TMEM106C: variants seen among roughly 807,000 people sequenced by gnomAD.
TMEM106C encodes the protein endoplasmic reticulum membrane protein overexpressed in cancer.
TMEM106C carries 27 observed loss-of-function variants against 30.8 expected under a neutral mutation model. That is an observed-to-expected ratio of 0.88 (90% CI 0.65 to 1.21). The LOEUF is 1.21. Ranked by LOEUF, TMEM106C falls within the 50% of genes most tolerant of loss-of-function variation. The pLI is 0.00. For missense variants in TMEM106C, 288 were observed against 307.8 expected (o/e 0.94, Z 0.48); for synonymous variants, 123 against 118.8 (o/e 1.04, Z -0.23).
In TMEM106C at chr12:47,964,323, A is replaced by C; in HGVS notation, c.87A>C (p.Arg29=). ...EDDRDGLLAE[R]EQEEAIAQFP... The stretch of plus-strand genomic sequence containing the variant: ...ACAGGGACGGTTTGCTGGCTGAACG[A>C]GAGCAGGAAGAAGCCATTGCTCAGT... The change falls in exon 2 of 8, where the codon CGA becomes CGC. Residue 29 remains arginine, a synonymous_variant. Transcript: ENST00000429772. 1 of 1,614,174 alleles carries C rather than the reference A, an allele frequency of 6.2e-7. No homozygotes were observed. The highest frequency in any genetic ancestry group is 8.5e-7 in the Non-Finnish European group (1 of 1,180,028).
Position 47,966,015 on chromosome 12 carries a change from A to G in TMEM106C, c.411+18A>G, listed in dbSNP as rs762387480. 1.3e-5 allele frequency: 21 copies of G among 1,614,182 alleles called. No homozygotes were observed. In the Admixed American group the frequency reaches 2.7e-4, roughly 20 times the overall value. ...CCATCATGGTAAGCCTTAGGGTTTCATTCCCTGGGTTGTGCACCTGCCAGG... is the reference window on the plus strand; with the variant it reads ...CCATCATGGTAAGCCTTAGGGTTTCGTTCCCTGGGTTGTGCACCTGCCAGG... On this transcript the variant is annotated intron_variant, in intron 4 of 7. Transcript: ENST00000429772.
intron 4 of TMEM106C, 45 bp downstream of exon 4, chr12:47,966,042 T>G: frequency 6.2e-7 from 1 of 1,614,226 alleles, no homozygotes; most frequent in Non-Finnish European, 8.5e-7. Context: ...CCTGCCAGGC[T>G]GGGACCCAGG....
At position 47,967,082 on chromosome 12, in the gene TMEM106C, G is replaced by A. The variant is rs2136484832; in HGVS notation, c.603-126G>A. On this transcript the variant is annotated intron_variant, in intron 6 of 7. Coordinates refer to ENST00000429772, the MANE Select transcript of TMEM106C (RefSeq NM_001143842.2). ...AGTGGCAGGGACTGAGAGCTGACAAGCCTTGGCAGCACTTAGGTCGGAAGG... is the reference window on the plus strand; with the variant it reads ...AGTGGCAGGGACTGAGAGCTGACAAACCTTGGCAGCACTTAGGTCGGAAGG... 1.1e-5 allele frequency: 10 copies of A among 939,160 alleles called. No individual in the cohort carries two copies. The South Asian group carries it at 1.4e-4, about 13-fold the overall frequency. 58.2% of individuals were successfully genotyped at this position (939,160 alleles called of 1,614,324 possible).
intron 1 of TMEM106C, 47 bp from the exon 2 acceptor site, chr12:47,964,162 C>A: frequency 6.7e-7 from 1 of 1,495,608 alleles, no homozygotes; most frequent in Non-Finnish European, 9.1e-7. Flanking sequence ...CGATTTCTGT[C>A]GTGATTCACT....
At position 47,964,420 on chromosome 12, in the gene TMEM106C, A is replaced by G. The variant is rs35299693; in HGVS notation, c.184A>G (p.Thr62Ala). Residue 62 changes from threonine (T) to alanine (A), a missense_variant, in exon 2 of 8, where the codon ACA becomes GCA. Physicochemically the swap from Thr to Ala is moderately conservative, Grantham distance 58 (BLOSUM62 0). Coordinates refer to ENST00000429772, the MANE Select transcript of TMEM106C (RefSeq NM_001143842.2). ...LTCQGTGYIPTEQVNELVALI... is the reference protein window; with the variant it reads ...LTCQGTGYIPAEQVNELVALI... ...GTGCCAGGGGACAGGCTACATTCCAACAGGTGATCATGGAGGGATGATTCC... is the reference window on the plus strand; with the variant it reads ...GTGCCAGGGGACAGGCTACATTCCAGCAGGTGATCATGGAGGGATGATTCC... The G allele has an allele frequency of 0.024, 39,281 of 1,613,796 alleles. 591 individuals are homozygous for G. Among genetic ancestry groups the G allele is most frequent in the Non-Finnish European group, 0.027 (31,757 of 1,179,848 alleles).
At position 47,966,121 on chromosome 12, in the gene TMEM106C, C is replaced by T. The variant is rs1306533633; in HGVS notation, c.444C>T (p.Tyr148=). 6.2e-7 allele frequency: 1 copy of T among 1,614,250 alleles called. No homozygotes were observed. Residue 148 remains tyrosine, a synonymous_variant, in exon 5 of 8, where the codon TAC becomes TAT. Coordinates refer to ENST00000429772, the MANE Select transcript of TMEM106C (RefSeq NM_001143842.2). ...TGAAAATCAGGAACTCCAACTTCTA[C>T]ACGGTGGCAGTGACCAGCCTGTCCA... is the stretch of plus-strand genomic sequence containing the variant. ...ATLKIRNSNF[Y]TVAVTSLSSQ...
rs1200397011 is a variant in TMEM106C at position 47,966,176 on chromosome 12, AG to A, written c.500del (p.Ser167IlefsTer4). The A allele has an allele frequency of 3.7e-6, 6 of 1,614,114 alleles. No homozygotes were observed. The East Asian group carries it at 1.3e-4, about 36-fold the overall frequency. ...SQIQYMNTVV[S>X]TYVTTNVSLI... ...GATTCAGTACATGAACACAGTGGTC[AG>A]TACATATGTGACTACTAACGTCTCC... is the stretch of plus-strand genomic sequence containing the variant. On this transcript the variant is annotated frameshift_variant, in exon 5 of 8. Transcript: ENST00000429772. LOFTEE classifies it high-confidence loss of function.
chr12:47,964,046 C>A, intron 1 of TMEM106C, 163 bp from the exon 2 acceptor site: 1 of 622,984 alleles, frequency 1.6e-6, no homozygotes. Context: ...GAGTGGGTAG[C>A]ACTACTACAA....
chr12:47,968,174 G>A lies in TMEM106C; in HGVS notation c.698G>A (p.Ser233Asn), dbSNP rs1938307774. Residue 233 changes from serine to asparagine, a missense_variant, in exon 8 of 8, where the codon AGC becomes AAC. By Grantham distance (46) the Ser-to-Asn change is conservative. Coordinates refer to ENST00000429772, the MANE Select transcript of TMEM106C (RefSeq NM_001143842.2). ...TCATACATTGGCCTCATGACCCAGA[G>A]CTCCTTGGAGACACATCACTATGTG... Reference protein sequence around the residue: ...KISYIGLMTQSSLETHHYVDC... With the variant: ...KISYIGLMTQNSLETHHYVDC... 2 of 1,614,092 alleles carry A rather than the reference G, an allele frequency of 1.2e-6. No homozygotes were observed. Among genetic ancestry groups the A allele is most frequent in the Non-Finnish European group, 1.7e-6 (2 of 1,179,980 alleles).
intron 6 of TMEM106C, 32 bp from the exon 7 acceptor site, chr12:47,967,176 A>AAAAAAAG: frequency 6.2e-7 from 1 of 1,612,322 alleles, no homozygotes; most frequent in African/African-American, 1.3e-5. Context: ...AAAAAAAAAA[A>AAAAAAAG]ACTGACTATT....
At chr12:47,964,458 C>A (rs776827890) in intron 2 of TMEM106C, 35 bp downstream of exon 2, 11 of 1,605,764 alleles carry the variant, frequency 6.9e-6, no homozygotes, top group Non-Finnish European at 8.5e-6. Context: ...GATGAGAATC[C>A]CAAGGTACCC....
chr12:47,965,434 T>G, intron 3 of TMEM106C, 89 bp downstream of exon 3: 1 of 1,215,154 alleles, frequency 8.2e-7, no homozygotes, highest in Non-Finnish European at 1.2e-6. Context: ...CTTTGAAAAC[T>G]ACACATGTTC....
At position 47,964,507 on chromosome 12, in the gene TMEM106C, G is replaced by A. The variant is rs1460866872; in HGVS notation, c.187+84G>A. 43 of 1,322,830 alleles carry A rather than the reference G, an allele frequency of 3.3e-5. 1 individual carries two copies. The Admixed American group carries it at 8.0e-4, about 25-fold the overall frequency. 81.9% of individuals were successfully genotyped at this position (1,322,830 alleles called of 1,614,324 possible). ...GTCTGCCCAGACAACTTTTCTTCTAGGCAGTAATACCATAATAGAGACAGT... is the reference window on the plus strand; with the variant it reads ...GTCTGCCCAGACAACTTTTCTTCTAAGCAGTAATACCATAATAGAGACAGT... On this transcript the variant is annotated intron_variant, in intron 2 of 7. Transcript: ENST00000429772.
chr12:47,968,030 G>A lies in TMEM106C; in HGVS notation c.657-103G>A, dbSNP rs889317299. 39 of 763,866 alleles carry A rather than the reference G, an allele frequency of 5.1e-5. 1 individual carries two copies. The highest frequency in any genetic ancestry group is 3.6e-4 in the South Asian group (23 of 63,768). 47.3% of individuals were successfully genotyped at this position (763,866 alleles called of 1,614,324 possible). ...CCATGAGGATATGTGCCTGGGGCCC[G>A]TGGGTATTGTTCTCTGAACTTGCAA... On this transcript the variant is annotated intron_variant, in intron 7 of 7. Coordinates refer to ENST00000429772, the MANE Select transcript of TMEM106C (RefSeq NM_001143842.2).
At chr12:47,966,376 A>G (rs759166127) in intron 5 of TMEM106C, 147 bp downstream of exon 5, 50 of 888,806 alleles carry the variant, frequency 5.6e-5, no homozygotes, top group Non-Finnish European at 1.3e-5. Context: ...TGGGCCCTGT[A>G]ATTATAAATA....
chr12:47,965,573 G>A, intron 3 of TMEM106C: 4 of 648,130 alleles, frequency 6.2e-6, no homozygotes, highest in Non-Finnish European at 1.1e-5. Flanking sequence ...AGAAGAAACT[G>A]GGAAAGTGGA....
chr12:47,966,172 G>A lies in TMEM106C; in HGVS notation c.495G>A (p.Val165=). The A allele has an allele frequency of 6.2e-7, 1 of 1,614,130 alleles. No homozygotes were observed. Among genetic ancestry groups the A allele is most frequent in the Non-Finnish European group, 8.5e-7 (1 of 1,179,992 alleles). ...LSSQIQYMNT[V]VSTYVTTNVS... ...GCCAGATTCAGTACATGAACACAGT[G>A]GTCAGTACATATGTGACTACTAACG... Residue 165 remains valine, a synonymous_variant, in exon 5 of 8, where the codon GTG becomes GTA. Transcript: ENST00000429772.
intron 1 of TMEM106C, 175 bp from the exon 2 acceptor site, chr12:47,964,034 G>A (rs1938136459): frequency 1.7e-6 from 1 of 600,500 alleles, no homozygotes; most frequent in Non-Finnish European, 2.9e-6. Context: ...CGGGTAAGAG[G>A]AGAGTGGGTA....
rs755069327 is a variant in TMEM106C, at chr12:47,966,093, C to A, written c.416C>A (p.Thr139Asn). ...DSLVILTIMA[T>N]LKIRNSNFYT... ...TCCTGACTTGCCCTGATGTAGGCCA[C>A]CCTGAAAATCAGGAACTCCAACTTC... Residue 139 changes from threonine (T) to asparagine (N), a missense_variant, in exon 5 of 8, where the codon ACC becomes AAC. Thr to Asn is a moderately conservative substitution (Grantham distance 65). Coordinates refer to ENST00000429772, the MANE Select transcript of TMEM106C (RefSeq NM_001143842.2). 6.2e-7 allele frequency: 1 copy of A among 1,614,222 alleles called. No individual in the cohort carries two copies. Among genetic ancestry groups the A allele is most frequent in the South Asian group, 1.1e-5 (1 of 91,086 alleles).
Sources: allele counts gnomAD v4.1 joint callset, GRCh38; gene constraint gnomAD v4.1.1; transcripts MANE v1.5; gene names NCBI Gene and HGNC (gene_info 2026-07-23, HGNC 2026-07-21).